KAZN: variants seen among roughly 807,000 people sequenced by gnomAD.
The protein encoded by KAZN is kazrin.
In KAZN, 40 loss-of-function variants were observed where a neutral mutation model predicts 87.4. The ratio of observed to expected loss-of-function variants is 0.46; its 90% CI spans 0.36 to 0.60. KAZN has a LOEUF of 0.60. KAZN is among the 20% of genes least tolerant of loss of function. KAZN has a pLI of 0.00. For missense variants in KAZN, 898 were observed against 1,073.9 expected, an observed-to-expected ratio of 0.84 and a Z score of 2.29; for synonymous variants, 466 against 458.3, an observed-to-expected ratio of 1.02 and a Z score of -0.22.
chr1:14,681,611 GT>G (rs1640586553), intron 1 of KAZN, among the ~76,000 whole-genome samples: 1 of 33,872 alleles, frequency 3.0e-5, no homozygotes, highest in Non-Finnish European at 5.7e-5. Flanking sequence ...ATATGTATAT[GT>G]GTATATATAT....
rs78643507 is a variant in KAZN at position 14,868,698 on chromosome 1, G to A, written c.227-91986G>A. ...CCTTCCAGAAATGGGGCCAAGAGGA[G>A]CCAGGCATGGTGGCGTGTGCCTGTA... On this transcript the variant is annotated intron_variant, in intron 1 of 14. Coordinates refer to ENST00000376030, the MANE Select transcript of KAZN (RefSeq NM_201628.3). 3.7e-3 allele frequency among the ~76,000 whole-genome samples: 555 copies of A among 151,890 alleles called. 5 individuals are homozygous for A. The highest frequency in any genetic ancestry group is 0.011 in the African/African-American group (475 of 41,406).
chr1:15,058,606 A>C (rs533501150), intron 5 of KAZN, among the ~76,000 whole-genome samples: 3 of 152,326 alleles, frequency 2.0e-5, no homozygotes, highest in Admixed American at 6.5e-5. Flanking sequence ...CTATTTATTG[A>C]GTACCTATTA....
chr1:14,677,079 T>C (rs1009735), intron 1 of KAZN, among the ~76,000 whole-genome samples: 69,374 of 151,952 alleles, frequency 0.46, 16,018 homozygotes, highest in South Asian at 0.53. Context: ...ATTTATTTAG[T>C]GCCAACTGTG....
At chr1:14,615,307 G>A (rs1678145200) in intron 1 of KAZN, among the ~76,000 whole-genome samples, 1 of 152,142 alleles carries the variant, frequency 6.6e-6, no homozygotes. Flanking sequence ...TTCTAGCCTC[G>A]AGCCTGCAAC....
chr1:14,167,534 C>T (rs1411136570), intron 1 of KAZN, among the ~76,000 whole-genome samples: 1 of 152,056 alleles, frequency 6.6e-6, no homozygotes, highest in African/African-American at 2.4e-5. Context: ...ACCAGCCTGG[C>T]CAACATGGGG....
intron 2 of KAZN, among the ~76,000 whole-genome samples, chr1:14,207,680 T>G (rs1181304599): frequency 6.6e-6 from 1 of 152,222 alleles, no homozygotes; most frequent in African/African-American, 2.4e-5. Context: ...TGAGCGCCCC[T>G]TTCACTTCAT....
At chr1:14,597,480 A>G (rs1335140549), upstream of KAZN, among the ~76,000 whole-genome samples, 3 of 152,114 alleles carry the variant, frequency 2.0e-5, no homozygotes, top group African/African-American at 4.8e-5. Flanking sequence ...CCCTTAAGTA[A>G]ATTGCTTAAC....
At chr1:14,921,673 G>T (rs147997009) in intron 1 of KAZN, among the ~76,000 whole-genome samples, 1 of 152,172 alleles carries the variant, frequency 6.6e-6, no homozygotes, top group Admixed American at 6.6e-5. Flanking sequence ...ACTCATACTT[G>T]TGCTGGGTTT....
At chr1:13,972,113 A>C (rs34673851) in intron 1 of KAZN, among the ~76,000 whole-genome samples, 21,241 of 152,214 alleles carry the variant, frequency 0.14, 1,597 homozygotes, top group Middle Eastern at 0.21. Flanking sequence ...TTTTGTGTTA[A>C]ATCAGAGTGG....
chr1:14,193,609 A>G (rs1212776286), intron 2 of KAZN, among the ~76,000 whole-genome samples: 1 of 151,634 alleles, frequency 6.6e-6, no homozygotes, highest in Non-Finnish European at 1.5e-5. Context: ...AGCCACAGGA[A>G]TCTAATACAC....
intron 1 of KAZN, among the ~76,000 whole-genome samples, chr1:14,616,404 A>AGGTAT (rs1678243781): frequency 6.6e-6 from 1 of 152,014 alleles, no homozygotes; most frequent in Non-Finnish European, 1.5e-5. Flanking sequence ...CTGGAAACAG[A>AGGTAT]GGAGTCCTCT....
At chr1:14,396,146 C>A (rs150051706) in intron 2 of KAZN, among the ~76,000 whole-genome samples, 2 of 132,440 alleles carry the variant, frequency 1.5e-5, no homozygotes, top group African/African-American at 2.8e-5. Context: ...CCAGCCTGAG[C>A]GACAAGAGCA....
intron 1 of KAZN, among the ~76,000 whole-genome samples, chr1:14,031,392 G>C (rs547148167): frequency 6.6e-6 from 1 of 152,360 alleles, no homozygotes; most frequent in East Asian, 1.9e-4. Context: ...CTACCCAGAT[G>C]AAGGATGCTT....
intron 1 of KAZN, among the ~76,000 whole-genome samples, chr1:14,914,080 C>T (rs1202291610): frequency 6.6e-6 from 1 of 152,218 alleles, no homozygotes; most frequent in Non-Finnish European, 1.5e-5. Context: ...TGGCCCTCAG[C>T]TGTCACAGCA....
At chr1:14,094,660 C>A (rs74057022) in intron 1 of KAZN, among the ~76,000 whole-genome samples, 2,763 of 152,184 alleles carry the variant, frequency 0.018, 79 homozygotes, top group African/African-American at 0.063. Context: ...AAAACCAACC[C>A]CACAAAATCT....
At position 15,066,872 on chromosome 1, in the gene KAZN, C is replaced by G. The variant is rs563271397; in HGVS notation, c.1222+1119C>G. On this transcript the variant is annotated intron_variant, in intron 8 of 14. Transcript: ENST00000376030. This position sits in a 1 kb window ranked among gnomAD's most constrained non-coding sequence, Gnocchi z 4.3. ...GCATGAAAGGATCCTCCACCTTCTT[C>G]CCACCCAGAGCTCCCTCCAGGCCTT... The G allele has an allele frequency of 2.0e-6, 2 of 985,512 alleles. No homozygotes were observed. Among genetic ancestry groups the G allele is most frequent in the African/African-American group, 3.5e-5 (2 of 57,358 alleles). The allele number at this position is 985,512 out of a possible 1,614,324, so 61.0% of individuals were successfully genotyped here.
chr1:14,822,184 C>A (rs912577523), intron 1 of KAZN, among the ~76,000 whole-genome samples: 1 of 152,156 alleles, frequency 6.6e-6, no homozygotes, highest in Non-Finnish European at 1.5e-5. Context: ...AGCCAGGTAA[C>A]TTGAGGGGGC....
At position 14,599,130 on chromosome 1, in the gene KAZN, G is replaced by A; in HGVS notation, c.133G>A (p.Gly45Ser). 2.0e-6 allele frequency: 3 copies of A among 1,491,880 alleles called. No homozygotes were observed. The highest frequency in any genetic ancestry group is 2.7e-6 in the Non-Finnish European group (3 of 1,125,228). 92.4% of individuals were successfully genotyped at this position (1,491,880 alleles called of 1,614,324 possible). Residue 45 changes from glycine to serine, a missense_variant, in exon 1 of 15, where the codon GGC becomes AGC. By Grantham distance (56) the Gly-to-Ser change is moderately conservative. This residue lies in a region of KAZN where 250 missense variants were observed against 263.0 expected (regional missense o/e 0.95). Transcript: ENST00000376030. This position sits in a 1 kb window ranked among gnomAD's most constrained non-coding sequence, Gnocchi z 4.4. ...ACTGGCGGAACTGAGCGGCGGCGGC[G>A]GCCCCGGCCCGGGCCCGGGAGCCGC... is the stretch of plus-strand genomic sequence containing the variant. ...RRLAELSGGG[G>S]PGPGPGAAAS...
At chr1:14,363,244 C>G (rs1329252674) in intron 2 of KAZN, among the ~76,000 whole-genome samples, 1 of 152,158 alleles carries the variant, frequency 6.6e-6, no homozygotes, top group East Asian at 1.9e-4. Flanking sequence ...TCCACTTTAG[C>G]CTGGTAGACA....
Sources: allele counts gnomAD v4.1 joint callset (sites outside exome capture counted in the v4.1 genomes callset), GRCh38; gene constraint gnomAD v4.1.1; regional missense constraint gnomAD v4.1.1; non-coding constraint Gnocchi (gnomAD v3.1); transcripts MANE v1.5; gene names NCBI Gene and HGNC (gene_info 2026-07-23, HGNC 2026-07-21).